Variants in GLRA3 observed in about 807,000 individuals in gnomAD.
GLRA3 encodes glycine receptor alpha 3.
Under a neutral mutation model 60.4 loss-of-function variants are expected in GLRA3, and 44 were observed. The ratio of observed to expected loss-of-function variants is 0.73; its 90% confidence interval spans 0.57 to 0.94. The LOEUF is 0.94. Among genes scored for constraint, GLRA3 ranks in the 40% least tolerant of loss-of-function variants. The pLI, the probability that GLRA3 is intolerant of heterozygous loss-of-function variation, is 0.00. For missense variants in GLRA3, 508 were observed against 564.6 expected, an observed-to-expected ratio of 0.90 and a Z score of 1.02; for synonymous variants, 223 against 192.9, an observed-to-expected ratio of 1.16 and a Z score of -1.29.
intron 7 of GLRA3, among the ~76,000 whole-genome samples, chr4:174,670,587 A>C (rs1158944215): frequency 6.6e-6 from 1 of 152,174 alleles, no homozygotes; most frequent in African/African-American, 2.4e-5. Flanking sequence ...CTGTGGTATC[A>C]TGCCATTTTA....
At chr4:174,748,066 A>C (rs1737320839) in intron 3 of GLRA3, among the ~76,000 whole-genome samples, 1 of 152,210 alleles carries the variant, frequency 6.6e-6, no homozygotes, top group Non-Finnish European at 1.5e-5. Flanking sequence ...ACAAGGATAA[A>C]TGTACATACA....
chr4:174,817,072 T>G (rs1460927999), intron 1 of GLRA3, among the ~76,000 whole-genome samples: 1 of 152,182 alleles, frequency 6.6e-6, no homozygotes. Context: ...AGAATGCATC[T>G]GGAGCCTCTG....
chr4:174,809,021 T>C (rs552944855), intron 1 of GLRA3, among the ~76,000 whole-genome samples: 140 of 152,332 alleles, frequency 9.2e-4, no homozygotes, highest in Non-Finnish European at 1.3e-3. Flanking sequence ...TAGTGTACAG[T>C]AATGTCCTAG....
intron 1 of GLRA3, among the ~76,000 whole-genome samples, chr4:174,795,107 A>C (rs1739511106): frequency 6.6e-6 from 1 of 151,176 alleles, no homozygotes; most frequent in South Asian, 2.1e-4. Context: ...TTGTTAAAAT[A>C]GCTTCTGCTA....
At chr4:174,665,054 T>G (rs1733608441) in intron 7 of GLRA3, among the ~76,000 whole-genome samples, 1 of 152,104 alleles carries the variant, frequency 6.6e-6, no homozygotes, top group South Asian at 2.1e-4. Context: ...TATGAAAGAC[T>G]GGGAGAAGGA....
chr4:174,698,745 C>A (rs998990635), intron 5 of GLRA3, among the ~76,000 whole-genome samples: 2 of 151,990 alleles, frequency 1.3e-5, no homozygotes, highest in African/African-American at 4.8e-5. Context: ...ATTTTGTGTG[C>A]AACTTCTCCT....
rs1429156609 is a variant in GLRA3 at position 174,762,704 on chromosome 4, G to T, written c.267+4259C>A. Among the ~76,000 whole-genome samples the T allele has an allele frequency of 4.6e-5, 7 of 152,116 alleles. No homozygotes were observed. In the East Asian group the frequency reaches 5.8e-4, roughly 13 times the overall value. On this transcript the variant is annotated intron_variant, in intron 3 of 9. Transcript: ENST00000274093. Reference sequence around the variant, plus strand: ...GCGTGTTAAATTTTAAATTTGTGAAGGTTTTTGTTTACTTTTAAATAATCT... The same window carrying T: ...GCGTGTTAAATTTTAAATTTGTGAATGTTTTTGTTTACTTTTAAATAATCT...
At chr4:174,733,942 C>G (rs1192321511) in intron 3 of GLRA3, among the ~76,000 whole-genome samples, 1 of 152,110 alleles carries the variant, frequency 6.6e-6, no homozygotes, top group African/African-American at 2.4e-5. Flanking sequence ...CAATAGGAAA[C>G]TATTATATCT....
chr4:174,735,827 G>A (rs1294814840), intron 3 of GLRA3, among the ~76,000 whole-genome samples: 1 of 152,170 alleles, frequency 6.6e-6, no homozygotes, highest in Non-Finnish European at 1.5e-5. Flanking sequence ...CTCCCAAAGT[G>A]TTGGGATTCC....
intron 5 of GLRA3, among the ~76,000 whole-genome samples, chr4:174,695,767 G>A (rs893645016): frequency 1.3e-5 from 2 of 152,050 alleles, no homozygotes; most frequent in Admixed American, 1.3e-4. Flanking sequence ...AGAAATAAAG[G>A]ATATCCAAAT....
At chr4:174,704,661 T>G (rs2111059887) in intron 5 of GLRA3, among the ~76,000 whole-genome samples, 1 of 144,258 alleles carries the variant, frequency 6.9e-6, no homozygotes, top group South Asian at 2.2e-4. Flanking sequence ...CATAGCAGCA[T>G]TACTCACTAT....
At chr4:174,793,103 TA>T (rs1739421574) in intron 1 of GLRA3, among the ~76,000 whole-genome samples, 1 of 152,226 alleles carries the variant, frequency 6.6e-6, no homozygotes, top group African/African-American at 2.4e-5. Flanking sequence ...TTCTCACAAT[TA>T]TTTTTTTGCC....
intron 1 of GLRA3, among the ~76,000 whole-genome samples, chr4:174,801,526 C>T (rs1305312670): frequency 6.6e-6 from 1 of 152,068 alleles, no homozygotes; most frequent in African/African-American, 2.4e-5. Context: ...TGGTTAATAG[C>T]AGCTCTATTC....
In GLRA3 at chr4:174,668,541, T is replaced by C. The variant is rs932412956; in HGVS notation, c.927+8537A>G. ...TGACCAATAAATTCCTGTTACAGCT[T>C]ATAGACAACAATATATTAATGGGCA... On this transcript the variant is annotated intron_variant, in intron 7 of 9. Coordinates refer to ENST00000274093, the MANE Select transcript of GLRA3 (RefSeq NM_006529.4). Among the ~76,000 whole-genome samples, 7 of 152,320 alleles carry C rather than the reference T, an allele frequency of 4.6e-5. No individual in the cohort carries two copies. In the East Asian group the frequency reaches 1.3e-3, roughly 29 times the overall value.
chr4:174,784,983 C>T (rs932934010), intron 2 of GLRA3, among the ~76,000 whole-genome samples: 7 of 151,958 alleles, frequency 4.6e-5, no homozygotes, highest in African/African-American at 1.7e-4. Context: ...GAGTTAAGCA[C>T]CTAATTATTT....
intron 2 of GLRA3, among the ~76,000 whole-genome samples, chr4:174,785,533 G>C (rs780492929): frequency 2.6e-5 from 4 of 151,952 alleles, no homozygotes; most frequent in Non-Finnish European, 5.9e-5. Flanking sequence ...TTTCCATTTC[G>C]TTTCTGTTAA....
chr4:174,785,604 G>C (rs1318316016), intron 2 of GLRA3, among the ~76,000 whole-genome samples: 1 of 152,108 alleles, frequency 6.6e-6, no homozygotes, highest in Non-Finnish European at 1.5e-5. Flanking sequence ...TTGAAGTCCA[G>C]AGAGGGCAAA....
chr4:174,798,878 A>G lies in GLRA3; in HGVS notation c.72-9935T>C, dbSNP rs868528939. Among the ~76,000 whole-genome samples, 26 of 152,036 alleles carry G rather than the reference A, an allele frequency of 1.7e-4. No individual in the cohort carries two copies. The East Asian group carries it at 2.5e-3, about 15-fold the overall frequency. Reference sequence around the variant, plus strand: ...GGAGCTTGCAGTGAGCCGAGATAGCACCACTGCACTCCAGCCTGGGCGACA... The same window carrying G: ...GGAGCTTGCAGTGAGCCGAGATAGCGCCACTGCACTCCAGCCTGGGCGACA... On this transcript the variant is annotated intron_variant, in intron 1 of 9. Transcript: ENST00000274093.
chr4:174,794,423 T>C (rs556931408), intron 1 of GLRA3, among the ~76,000 whole-genome samples: 45 of 152,100 alleles, frequency 3.0e-4, no homozygotes, highest in African/African-American at 1.0e-3. Context: ...ATTCTGGACA[T>C]TTATAGGAAG....
Sources: allele counts gnomAD v4.1 joint callset (sites outside exome capture counted in the v4.1 genomes callset), GRCh38; gene constraint gnomAD v4.1.1; transcripts MANE v1.5; gene names NCBI Gene and HGNC (gene_info 2026-07-23, HGNC 2026-07-21).